Variants in UBE2E2 observed in about 807,000 individuals in gnomAD.
UBE2E2 encodes the protein ubiquitin conjugating enzyme E2 E2, also known as ubiquitin-conjugating enzyme E2 E2.
A neutral mutation model predicts 24.7 loss-of-function variants in UBE2E2; 6 were observed. The ratio of observed to expected loss-of-function variants is 0.24; its 90% confidence interval spans 0.13 to 0.48. The LOEUF (loss-of-function observed/expected upper bound fraction) is 0.48. Among genes scored for constraint, UBE2E2 ranks in the 20% least tolerant of loss-of-function variants. UBE2E2 has a pLI of 0.99. For missense variants in UBE2E2, 169 were observed against 245.0 expected (o/e 0.69, Z 2.07); for synonymous variants, 104 against 83.6 (o/e 1.24, Z -1.33).
At chr3:23,566,737 A>G (rs1404218157) in intron 5 of UBE2E2, among the ~76,000 whole-genome samples, 2 of 152,170 alleles carry the variant, frequency 1.3e-5, no homozygotes, top group East Asian at 3.9e-4. Context: ...TTCATGAGGG[A>G]TCCACCCCCC....
rs373277232 is a variant in UBE2E2, at chr3:23,208,843, A to G, written c.144A>G (p.Lys48=). The G allele has an allele frequency of 1.9e-5, 30 of 1,613,202 alleles. No individual in the cohort carries two copies. Among genetic ancestry groups the G allele is most frequent in the Non-Finnish European group, 2.5e-5 (30 of 1,179,606 alleles). Residue 48 remains lysine (K), a synonymous_variant, in exon 2 of 6, where the codon AAA becomes AAG. Transcript: ENST00000396703. ...AAAAGGAGGGAAAAATATCCAGCAA[A>G]ACCGCTGCTAAATTGTCAACTAGTG... is the stretch of plus-strand genomic sequence containing the variant. ...PKKKEGKISS[K]TAAKLSTSAK... is the part of the protein sequence containing the mutation.
intron 4 of UBE2E2, among the ~76,000 whole-genome samples, chr3:23,530,408 T>C (rs912433152): frequency 1.3e-5 from 2 of 152,236 alleles, no homozygotes; most frequent in Non-Finnish European, 2.9e-5. Flanking sequence ...TTGTATACTT[T>C]TGGCTATATT....
At chr3:23,528,598 GTTC>G (rs1695052293) in intron 4 of UBE2E2, among the ~76,000 whole-genome samples, 1 of 152,062 alleles carries the variant, frequency 6.6e-6, no homozygotes, top group Admixed American at 6.5e-5. Context: ...CCCTCACCTA[GTTC>G]CCGCCCCAAG....
chr3:23,356,489 C>T (rs142989770), intron 3 of UBE2E2, among the ~76,000 whole-genome samples: 211 of 152,292 alleles, frequency 1.4e-3, no homozygotes, highest in African/African-American at 4.7e-3. Context: ...TAACTGCAGA[C>T]AAATTTCTCA....
At chr3:23,587,211 C>CACTCT (rs1244774410) in intron 5 of UBE2E2, among the ~76,000 whole-genome samples, 1 of 152,230 alleles carries the variant, frequency 6.6e-6, no homozygotes, top group Admixed American at 6.5e-5. Context: ...TTGTTACCAG[C>CACTCT]ACTCTAACTT....
At chr3:23,236,805 C>A (rs1326441142) in intron 3 of UBE2E2, among the ~76,000 whole-genome samples, 1 of 152,128 alleles carries the variant, frequency 6.6e-6, no homozygotes, top group African/African-American at 2.4e-5. Flanking sequence ...GTCTCTCTAT[C>A]TCTTCATGAC....
chr3:23,303,082 A>G (rs572894225), intron 3 of UBE2E2, among the ~76,000 whole-genome samples: 2 of 152,230 alleles, frequency 1.3e-5, no homozygotes, highest in East Asian at 3.9e-4. Context: ...CAGATCAGCG[A>G]TGGCATTGGA....
At chr3:23,366,441 A>G (rs947935703) in intron 3 of UBE2E2, among the ~76,000 whole-genome samples, 1 of 152,218 alleles carries the variant, frequency 6.6e-6, no homozygotes, top group Non-Finnish European at 1.5e-5. Flanking sequence ...ATAATGCAGT[A>G]TGGATATACC....
intron 5 of UBE2E2, among the ~76,000 whole-genome samples, chr3:23,584,316 A>G (rs1696554730): frequency 6.6e-6 from 1 of 151,884 alleles, no homozygotes; most frequent in Non-Finnish European, 1.5e-5. Context: ...TTGGTTTGCT[A>G]GTATTTTGTT....
At chr3:23,382,144 A>G (rs1374964060) in intron 3 of UBE2E2, among the ~76,000 whole-genome samples, 1 of 145,588 alleles carries the variant, frequency 6.9e-6, no homozygotes. Flanking sequence ...AACTAAGGTG[A>G]TTTACACTAC....
At chr3:23,470,040 C>G (rs1406923154) in intron 3 of UBE2E2, among the ~76,000 whole-genome samples, 1 of 152,204 alleles carries the variant, frequency 6.6e-6, no homozygotes, top group Admixed American at 6.5e-5. Context: ...GGTTATCTGT[C>G]TGGCACATGG....
At chr3:23,254,664 G>A (rs926356814) in intron 3 of UBE2E2, among the ~76,000 whole-genome samples, 2 of 152,168 alleles carry the variant, frequency 1.3e-5, no homozygotes, top group Non-Finnish European at 2.9e-5. Flanking sequence ...GGAAATTATA[G>A]GATACTGTGG....
chr3:23,241,811 A>C (rs1044974480), intron 3 of UBE2E2, among the ~76,000 whole-genome samples: 3 of 152,132 alleles, frequency 2.0e-5, no homozygotes, highest in Non-Finnish European at 4.4e-5. Context: ...AATAAATTGC[A>C]CTTCATTGAT....
chr3:23,464,698 A>G (rs1266801408), intron 3 of UBE2E2, among the ~76,000 whole-genome samples: 2 of 152,208 alleles, frequency 1.3e-5, no homozygotes, highest in Non-Finnish European at 2.9e-5. Context: ...TGGTGTAGTG[A>G]GAAAATACTT....
At chr3:23,443,943 C>T (rs907971182) in intron 3 of UBE2E2, among the ~76,000 whole-genome samples, 5 of 152,066 alleles carry the variant, frequency 3.3e-5, no homozygotes, top group East Asian at 3.9e-4. Flanking sequence ...CCACACTGTC[C>T]GAAAGACTTT....
In UBE2E2 at chr3:23,528,512, G is replaced by A. The variant is rs530157637; in HGVS notation, c.361-4042G>A. ...TTATGATTTCAGATTTTTTCTTGAA[G>A]TTCCTGCCTCTTTCTTAAGTCTCCG... is the stretch of plus-strand genomic sequence containing the variant. On this transcript the variant is annotated intron_variant, in intron 4 of 5. Coordinates refer to ENST00000396703, the MANE Select transcript of UBE2E2 (RefSeq NM_152653.4). Among the ~76,000 whole-genome samples the A allele has an allele frequency of 1.2e-4, 18 of 152,080 alleles. No individual in the cohort carries two copies. In the South Asian group the frequency reaches 1.9e-3, roughly 16 times the overall value.
intron 4 of UBE2E2, among the ~76,000 whole-genome samples, chr3:23,501,488 A>C (rs1172359757): frequency 6.6e-6 from 1 of 152,176 alleles, no homozygotes; most frequent in African/African-American, 2.4e-5. Context: ...GTTTTCCAAG[A>C]GTGTACAACC....
chr3:23,323,226 T>G (rs556957056), intron 3 of UBE2E2, among the ~76,000 whole-genome samples: 5 of 152,142 alleles, frequency 3.3e-5, no homozygotes, highest in Non-Finnish European at 7.4e-5. Flanking sequence ...TCTGTTTTAT[T>G]GATGAAGAAT....
At chr3:23,354,697 T>G (rs1466753750) in intron 3 of UBE2E2, among the ~76,000 whole-genome samples, 1 of 152,292 alleles carries the variant, frequency 6.6e-6, no homozygotes, top group East Asian at 1.9e-4. Flanking sequence ...TCACACCAGT[T>G]AGAATGGCAA....
Sources: gnomAD v4.1 joint callset for allele counts (sites outside exome capture counted in the v4.1 genomes callset) on GRCh38, gnomAD v4.1.1 for gene constraint, MANE v1.5 for transcripts, NCBI Gene and HGNC (gene_info 2026-07-23, HGNC 2026-07-21) for gene names.